TAF3: variants seen among roughly 807,000 people sequenced by gnomAD.
The protein encoded by TAF3 is transcription initiation factor TFIID subunit 3.
A neutral mutation model predicts 80.6 loss-of-function variants in TAF3; 7 were observed. The observed-to-expected ratio is 0.09, with a 90% confidence interval of 0.05 to 0.16. TAF3 has a LOEUF of 0.16. Among genes scored for constraint, TAF3 ranks in the 10% least tolerant of loss-of-function variants. The probability of loss-of-function intolerance (pLI) is 1.00; values close to 1 mark genes in which losing one functional copy is unlikely to be tolerated. For synonymous variants in TAF3, 444 were observed against 446.1 expected, an observed-to-expected ratio of 1.00 and a Z score of 0.06; for missense variants, 921 against 1,140.2, an observed-to-expected ratio of 0.81 and a Z score of 2.77.
chr10:8,009,475 G>T lies in TAF3; in HGVS notation c.2568+145G>T, dbSNP rs1832032260. 2.4e-6 allele frequency: 3 copies of T among 1,250,706 alleles called. No homozygotes were observed. Among genetic ancestry groups the T allele is most frequent in the Admixed American group, 2.9e-5 (1 of 34,164 alleles). The allele number at this position is 1,250,706 out of a possible 1,614,324, so 77.5% of individuals were successfully genotyped here. A position where few individuals can be genotyped will look rare whatever the true frequency, so the allele number is the denominator to read the frequency against. ...ATTATTTTTGAGACAGGGTCTCCCT[G>T]TGTGGCTCAGGCTGGAGTACAGTGG... On this transcript the variant is annotated intron_variant, in intron 5 of 6. Transcript: ENST00000344293. The surrounding 1 kb of genome is among the most constrained non-coding windows in gnomAD (Gnocchi z 4.1).
intron 2 of TAF3, among the ~76,000 whole-genome samples, chr10:7,880,468 T>A (rs558781355): frequency 6.6e-6 from 1 of 152,308 alleles, no homozygotes; most frequent in South Asian, 2.1e-4. Context: ...ACTAGCACCC[T>A]GAGAAAACAG....
chr10:7,995,814 T>C (rs1025741963), intron 4 of TAF3, among the ~76,000 whole-genome samples: 2 of 152,212 alleles, frequency 1.3e-5, no homozygotes, highest in Non-Finnish European at 1.5e-5. Flanking sequence ...TTTATAGTTG[T>C]GTTATAATTA....
At chr10:7,983,725 G>A (rs11594885) in intron 4 of TAF3, among the ~76,000 whole-genome samples, 1 of 152,094 alleles carries the variant, frequency 6.6e-6, no homozygotes, top group African/African-American at 2.4e-5. Flanking sequence ...TATACTCCCA[G>A]CTACTTGGGA....
intron 2 of TAF3, among the ~76,000 whole-genome samples, chr10:7,887,221 G>A (rs113761230): frequency 3.3e-4 from 48 of 146,716 alleles, no homozygotes; most frequent in African/African-American, 1.2e-3. Context: ...GACAGAGCCA[G>A]ACTCTGTATT....
intron 2 of TAF3, among the ~76,000 whole-genome samples, chr10:7,891,339 C>G (rs1837455662): frequency 6.6e-6 from 1 of 152,032 alleles, no homozygotes; most frequent in Non-Finnish European, 1.5e-5. Context: ...GACACAGATA[C>G]AAGTTAAATT....
At chr10:7,890,148 C>T (rs937554817) in intron 2 of TAF3, among the ~76,000 whole-genome samples, 7 of 152,212 alleles carry the variant, frequency 4.6e-5, no homozygotes, top group African/African-American at 1.7e-4. Context: ...GGACTTTTCT[C>T]TTTTTCACCA....
In TAF3 at chr10:7,921,251, T is replaced by C. The variant is rs578067355; in HGVS notation, c.410-42669T>C. 6.9e-4 allele frequency among the ~76,000 whole-genome samples: 105 copies of C among 152,290 alleles called. 1 individual carries two copies. Among genetic ancestry groups the C allele is most frequent in the African/African-American group, 2.3e-3 (97 of 41,568 alleles). ...AGAAGGAAAGAGCAGTTTTATTTGG[T>C]AGTTTTTCTATCCTTTCCACTTTAG... On this transcript the variant is annotated intron_variant, in intron 2 of 6. Transcript: ENST00000344293.
rs1186302595 is a variant in TAF3, at chr10:7,863,694, TATATATATATACAC to T, written c.409+39192_409+39205del. On this transcript the variant is annotated intron_variant, in intron 2 of 6. Transcript: ENST00000344293. The stretch of plus-strand genomic sequence containing the variant: ...ACACATATATATATATACACACACA[TATATATATATACAC>T]ATATATATATACACATATATATATA... Among the ~76,000 whole-genome samples the T allele has an allele frequency of 9.7e-3, 337 of 34,606 alleles. 22 individuals are homozygous for T. Among genetic ancestry groups the T allele is most frequent in the East Asian group, 0.054 (24 of 446 alleles). 22.7% of individuals were successfully genotyped at this position (34,606 alleles called of 152,430 possible). A position where few individuals can be genotyped will look rare whatever the true frequency, so the allele number is the denominator to read the frequency against.
intron 2 of TAF3, among the ~76,000 whole-genome samples, chr10:7,865,352 G>A (rs183366588): frequency 2.6e-4 from 40 of 152,156 alleles, no homozygotes; most frequent in Middle Eastern, 3.4e-3. Flanking sequence ...GGTGGCGGGC[G>A]CCTGTAGTCC....
At position 7,977,245 on chromosome 10, in the gene TAF3, AAGTGGAACC is replaced by A. The variant is rs1180121194; in HGVS notation, c.2241_2249del (p.Glu748_Val750del). On this transcript the variant is annotated inframe_deletion, in exon 4 of 7. Transcript: ENST00000344293. ...TTAATGTGCTAACTTCCACAGATAA[AAGTGGAACC>A]AGTCGCTCTGGCCCCGAGTCCAGTT... The A allele has an allele frequency of 6.2e-7, 1 of 1,614,024 alleles. No homozygotes were observed. Among genetic ancestry groups the A allele is most frequent in the East Asian group, 2.2e-5 (1 of 44,892 alleles).
chr10:7,887,070 C>G (rs1837414914), intron 2 of TAF3, among the ~76,000 whole-genome samples: 1 of 151,702 alleles, frequency 6.6e-6, no homozygotes, highest in Non-Finnish European at 1.5e-5. Context: ...CTCGTCTCTA[C>G]TAAAAATAAA....
chr10:7,829,724 C>T (rs1384318688), intron 2 of TAF3, among the ~76,000 whole-genome samples: 4 of 152,128 alleles, frequency 2.6e-5, no homozygotes, highest in Non-Finnish European at 5.9e-5. Flanking sequence ...CTGGTTTCTT[C>T]ACAGTAAAGT....
chr10:8,000,832 T>A (rs1303224393), intron 4 of TAF3, among the ~76,000 whole-genome samples: 2 of 152,198 alleles, frequency 1.3e-5, no homozygotes, highest in Admixed American at 1.3e-4. Context: ...AGGCAATTGC[T>A]GGACATTTTA....
chr10:7,822,323 A>G (rs988226175), intron 1 of TAF3, among the ~76,000 whole-genome samples: 1 of 152,080 alleles, frequency 6.6e-6, no homozygotes. Context: ...GCTGCAAAGC[A>G]TATGGAGGAA....
At position 8,016,296 on chromosome 10, in the gene TAF3, T is replaced by C. The variant is rs936383522; in HGVS notation, c.*1545T>C. ...TTTTTAAATGCCAAGTAAATTGATATTAGTGTATGAATTAGTCATATTTTA... is the reference window on the plus strand; with the variant it reads ...TTTTTAAATGCCAAGTAAATTGATACTAGTGTATGAATTAGTCATATTTTA... On this transcript the variant is annotated 3_prime_UTR_variant, in exon 7 of 7. Coordinates refer to ENST00000344293, the MANE Select transcript of TAF3 (RefSeq NM_031923.4). 8 of 152,112 alleles carry C rather than the reference T, an allele frequency of 5.3e-5. No homozygotes were observed. Among genetic ancestry groups the C allele is most frequent in the Non-Finnish European group, 8.8e-5 (6 of 68,030 alleles). 9.4% of individuals were successfully genotyped at this position (152,112 alleles called of 1,614,324 possible).
chr10:7,842,608 A>G (rs779174280), intron 2 of TAF3, among the ~76,000 whole-genome samples: 4 of 152,138 alleles, frequency 2.6e-5, no homozygotes, highest in Non-Finnish European at 5.9e-5. Context: ...GATGATACCT[A>G]ATGGTCACTA....
intron 2 of TAF3, among the ~76,000 whole-genome samples, chr10:7,828,984 C>T (rs1053364533): frequency 1.1e-4 from 13 of 121,892 alleles, no homozygotes; most frequent in African/African-American, 3.8e-4. Context: ...CAGCCGAGAT[C>T]GTGCCACTGC....
chr10:7,999,372 C>A (rs1203919012), intron 4 of TAF3, among the ~76,000 whole-genome samples: 2 of 149,150 alleles, frequency 1.3e-5, no homozygotes, highest in Non-Finnish European at 3.0e-5. Context: ...CAATGTATTT[C>A]TTTGAAAAGG....
At position 7,973,738 on chromosome 10, in the gene TAF3, A is replaced by G. The variant is rs925308532; in HGVS notation, c.2233-3503A>G. On this transcript the variant is annotated intron_variant, in intron 3 of 6. Transcript: ENST00000344293. ...TTTTGTTATATTTGTTTATTCTTCC[A>G]CAGATAACACAGAAAGATGAGGAAG... Among the ~76,000 whole-genome samples, 7 of 152,342 alleles carry G rather than the reference A, an allele frequency of 4.6e-5. No individual in the cohort carries two copies. The South Asian group carries it at 1.4e-3, about 32-fold the overall frequency.
Sources: gnomAD v4.1 joint callset for allele counts (sites outside exome capture counted in the v4.1 genomes callset) on GRCh38, gnomAD v4.1.1 for gene constraint, Gnocchi (gnomAD v3.1) non-coding constraint, MANE v1.5 for transcripts, NCBI Gene and HGNC (gene_info 2026-07-23, HGNC 2026-07-21) for gene names.